Variants in ADAMTS9 observed in about 807,000 individuals in gnomAD.
ADAMTS9 encodes A disintegrin and metalloproteinase with thrombospondin motifs 9.
A neutral mutation model predicts 257.1 loss-of-function variants in ADAMTS9; 107 were observed. The ratio of observed to expected loss-of-function variants is 0.42; its 90% CI spans 0.36 to 0.49. The LOEUF (loss-of-function observed/expected upper bound fraction) is 0.49, where lower values mean the gene tolerates loss of function less well. ADAMTS9 is among the 20% of genes least tolerant of loss of function. The pLI is 0.03. For missense variants in ADAMTS9, 2,353 were observed against 2,469.1 expected (o/e 0.95, Z 1.00); for synonymous variants, 982 against 880.9 (o/e 1.11, Z -2.03).
chr3:64,679,860 G>T (rs527420952), intron 3 of ADAMTS9, among the ~76,000 whole-genome samples: 1 of 152,302 alleles, frequency 6.6e-6, no homozygotes, highest in Non-Finnish European at 1.5e-5. Flanking sequence ...CTTGCTGGTG[G>T]CTGGCAGTCT....
Position 64,615,301 on chromosome 3 carries a change from T to A in ADAMTS9, c.3189+20A>T, listed in dbSNP as rs1322823804. ...AATGTAAGAGATGACCTAGGGGAAA[T>A]AACAGCCCTCCCATCTTACCTCTGA... On this transcript the variant is annotated intron_variant, in intron 21 of 39. Coordinates refer to ENST00000498707, the MANE Select transcript of ADAMTS9 (RefSeq NM_182920.2). 1 of 1,611,278 alleles carries A rather than the reference T, an allele frequency of 6.2e-7. No homozygotes were observed. The highest frequency in any genetic ancestry group is 2.2e-5 in the East Asian group (1 of 44,788).
chr3:64,549,298 G>C (rs554364856), intron 31 of ADAMTS9, among the ~76,000 whole-genome samples: 347 of 152,154 alleles, frequency 2.3e-3, no homozygotes, highest in Non-Finnish European at 3.9e-3. Context: ...ATCTTTTGGG[G>C]GTTATGGTTA....
At chr3:64,660,532 G>A (rs1369275315) in intron 3 of ADAMTS9, among the ~76,000 whole-genome samples, 2 of 152,100 alleles carry the variant, frequency 1.3e-5, no homozygotes, top group African/African-American at 4.8e-5. Context: ...ATACCATTCT[G>A]AGCAGTGTGA....
At chr3:64,623,083 T>A (rs192975010) in intron 16 of ADAMTS9, among the ~76,000 whole-genome samples, 8 of 152,342 alleles carry the variant, frequency 5.3e-5, no homozygotes, top group African/African-American at 1.9e-4. Context: ...ATGGTTAATA[T>A]GATGCTCAAA....
At chr3:64,627,745 A>G (rs547583718) in intron 16 of ADAMTS9, among the ~76,000 whole-genome samples, 8 of 152,168 alleles carry the variant, frequency 5.3e-5, no homozygotes, top group Non-Finnish European at 1.0e-4. Flanking sequence ...GGTTGCTACA[A>G]AAGGCCCTCT....
chr3:64,621,332 G>T, intron 18 of ADAMTS9, 92 bp from the exon 19 acceptor site: 3 of 1,386,468 alleles, frequency 2.2e-6, no homozygotes, highest in East Asian at 2.5e-5. Flanking sequence ...TCTCTAAAGA[G>T]CCAGACAGTA....
chr3:64,525,117 A>G (rs1204498537), intron 38 of ADAMTS9, among the ~76,000 whole-genome samples: 1 of 152,212 alleles, frequency 6.6e-6, no homozygotes, highest in Non-Finnish European at 1.5e-5. Flanking sequence ...GACAAGACCA[A>G]TACCTTGTTA....
At position 64,633,375 on chromosome 3, in the gene ADAMTS9, T is replaced by C. The variant is rs1054691982; in HGVS notation, c.2175+97A>G. On this transcript the variant is annotated intron_variant, in intron 14 of 39. Coordinates refer to ENST00000498707, the MANE Select transcript of ADAMTS9 (RefSeq NM_182920.2). Reference sequence around the variant, plus strand: ...TTGAGAACCACTGCCCTGGCAACAGTGCACAGATACTAGCAGTTGCTATTC... The same window carrying C: ...TTGAGAACCACTGCCCTGGCAACAGCGCACAGATACTAGCAGTTGCTATTC... The C allele has an allele frequency of 6.5e-6, 10 of 1,536,520 alleles. No homozygotes were observed. In the African/African-American group the frequency reaches 6.8e-5, roughly 10 times the overall value.
intron 22 of ADAMTS9, among the ~76,000 whole-genome samples, chr3:64,608,765 G>C (rs1176205976): frequency 6.6e-6 from 1 of 150,760 alleles, no homozygotes; most frequent in African/African-American, 2.4e-5. Context: ...AAGAATAGGA[G>C]AACACATCCT....
At chr3:64,684,773 G>T (rs1701851898) in intron 2 of ADAMTS9, 1 of 152,198 alleles carries the variant, frequency 6.6e-6, no homozygotes, top group South Asian at 2.1e-4. Flanking sequence ...CAATGAAAAT[G>T]AAGGTCCTGC....
At chr3:64,652,658 A>G (rs1700959783) in intron 8 of ADAMTS9, among the ~76,000 whole-genome samples, 1 of 152,220 alleles carries the variant, frequency 6.6e-6, no homozygotes, top group African/African-American at 2.4e-5. Context: ...TGCAGGAGTT[A>G]AATAATAATA....
At chr3:64,587,549 G>A (rs2084182426) in intron 28 of ADAMTS9, 3 of 152,136 alleles carry the variant, frequency 2.0e-5, no homozygotes, top group Non-Finnish European at 2.9e-5. Flanking sequence ...TTCCATAAAG[G>A]AAGGCAAAAA....
intron 28 of ADAMTS9, 102 bp from the exon 29 acceptor site, chr3:64,568,637 T>C: frequency 2.2e-6 from 3 of 1,358,994 alleles, no homozygotes; most frequent in Non-Finnish European, 3.1e-6. Flanking sequence ...CTAACAAGAG[T>C]TACCATTCCC....
chr3:64,552,155 A>T (rs2083278944), intron 30 of ADAMTS9, among the ~76,000 whole-genome samples: 1 of 152,222 alleles, frequency 6.6e-6, no homozygotes, highest in South Asian at 2.1e-4. Flanking sequence ...GGACTTTGAG[A>T]GCCTAAGTTA....
intron 32 of ADAMTS9, among the ~76,000 whole-genome samples, chr3:64,542,651 CAA>C (rs2083141405): frequency 6.6e-6 from 1 of 152,012 alleles, no homozygotes; most frequent in African/African-American, 2.4e-5. Context: ...TAAATGCCCA[CAA>C]GAGAAAGCAG....
In ADAMTS9 at chr3:64,687,420, G is replaced by A; in HGVS notation, c.115+123C>T. ...ACCCAAAGAAGGGAGAGGCTGCAAA[G>A]CGGGAGATAATTCTTTCTAGGAAAA... On this transcript the variant is annotated intron_variant, in intron 1 of 39. Coordinates refer to ENST00000498707, the MANE Select transcript of ADAMTS9 (RefSeq NM_182920.2). This position sits in a 1 kb window ranked among gnomAD's most constrained non-coding sequence, Gnocchi z 4.4. 1 of 830,638 alleles carries A rather than the reference G, an allele frequency of 1.2e-6. No homozygotes were observed. The highest frequency in any genetic ancestry group is 1.8e-6 in the Non-Finnish European group (1 of 554,122). The allele number at this position is 830,638 out of a possible 1,614,324, so 51.5% of individuals were successfully genotyped here.
intron 26 of ADAMTS9, among the ~76,000 whole-genome samples, chr3:64,599,695 C>G (rs188534487): frequency 6.6e-6 from 1 of 152,324 alleles, no homozygotes; most frequent in African/African-American, 2.4e-5. Context: ...GACAGAAACT[C>G]TCTAAAGAAA....
Position 64,539,257 on chromosome 3 carries a change from A to C in ADAMTS9, c.5559T>G (p.His1853Gln), listed in dbSNP as rs768535965. 6.2e-7 allele frequency: 1 copy of C among 1,614,084 alleles called. No homozygotes were observed. The highest frequency in any genetic ancestry group is 8.5e-7 in the Non-Finnish European group (1 of 1,179,964). The change falls in exon 37 of 40, where the codon CAT becomes CAG. Residue 1853 changes from histidine (H) to glutamine (Q), a missense_variant. Around this residue, in one of 3 missense-constraint regions of ADAMTS9, gnomAD observed 1,402 missense variants for 1,441.4 expected, o/e 0.97. Transcript: ENST00000498707. ...DLQFARTSEG[H>Q]PVPFATAGDC... Reference sequence around the variant, plus strand: ...CCCCGGCTGTGGCAAAAGGGACGGGATGTCCTTCGCTTGTCCTTGCAAACT... The same window carrying C: ...CCCCGGCTGTGGCAAAAGGGACGGGCTGTCCTTCGCTTGTCCTTGCAAACT...
At chr3:64,558,833 C>T (rs909918226) in intron 30 of ADAMTS9, among the ~76,000 whole-genome samples, 1 of 152,164 alleles carries the variant, frequency 6.6e-6, no homozygotes, top group Non-Finnish European at 1.5e-5. Context: ...TAATGGGGGG[C>T]TCCTGCACAT....
Sources: gnomAD v4.1 joint callset for allele counts (sites outside exome capture counted in the v4.1 genomes callset) on GRCh38, gnomAD v4.1.1 for gene constraint, gnomAD v4.1.1 regional missense constraint, Gnocchi (gnomAD v3.1) non-coding constraint, MANE v1.5 for transcripts, NCBI Gene and HGNC (gene_info 2026-07-23, HGNC 2026-07-21) for gene names.